LMNTD1: variants seen among roughly 807,000 people sequenced by gnomAD.
The protein encoded by LMNTD1 is lamin tail domain-containing protein 1.
Under a neutral mutation model 50.9 loss-of-function variants are expected in LMNTD1, and 35 were observed. The ratio of observed to expected loss-of-function variants is 0.69; its 90% CI spans 0.53 to 0.91. The LOEUF (loss-of-function observed/expected upper bound fraction) is 0.91, where lower values mean the gene tolerates loss of function less well. Ranked by LOEUF, LMNTD1 falls within the 40% of genes least tolerant of loss-of-function variation. The pLI is 0.00. For synonymous variants in LMNTD1, 153 were observed against 161.9 expected, an observed-to-expected ratio of 0.94 and a Z score of 0.42; for missense variants, 470 against 475.5, an observed-to-expected ratio of 0.99 and a Z score of 0.11.
chr12:25,507,365 T>C (rs570375357), intron 8 of LMNTD1, among the ~76,000 whole-genome samples: 1 of 152,394 alleles, frequency 6.6e-6, no homozygotes, highest in African/African-American at 2.4e-5. Flanking sequence ...GTTCTGGCTG[T>C]GATTTTTGTT....
rs942516717 is a variant in LMNTD1, at chr12:25,562,395, A to G, written c.59-15841T>C. ...GATTTTATTTCTCCTTCACTTATGA[A>G]GCTTAGTTTGGCTGGATATGAAATT... On this transcript the variant is annotated intron_variant, in intron 1 of 7. Coordinates refer to the LMNTD1 transcript ENST00000445693. Among the ~76,000 whole-genome samples, 46 of 152,258 alleles carry G rather than the reference A, an allele frequency of 3.0e-4. 1 individual carries two copies. The highest frequency in any genetic ancestry group is 2.9e-3 in the Admixed American group (45 of 15,296).
chr12:25,494,813 A>T (rs1245810451), intron 9 of LMNTD1, among the ~76,000 whole-genome samples: 2 of 152,212 alleles, frequency 1.3e-5, no homozygotes, highest in African/African-American at 2.4e-5. Flanking sequence ...CAATCAAAAT[A>T]ACATTTATGC....
intron 4 of LMNTD1, among the ~76,000 whole-genome samples, chr12:25,531,281 G>A (rs1942208547): frequency 6.6e-6 from 1 of 152,176 alleles, no homozygotes; most frequent in African/African-American, 2.4e-5. Context: ...ATAAGTGGGT[G>A]CTATTCATGT....
At chr12:25,620,660 A>AT (rs1304034328) in intron 1 of LMNTD1, among the ~76,000 whole-genome samples, 1 of 151,982 alleles carries the variant, frequency 6.6e-6, no homozygotes, top group African/African-American at 2.4e-5. Flanking sequence ...CTATGAGCTG[A>AT]TTTTCTTTCC....
At chr12:25,559,867 TC>T (rs1469620045) in intron 1 of LMNTD1, among the ~76,000 whole-genome samples, 1 of 152,184 alleles carries the variant, frequency 6.6e-6, no homozygotes, top group Non-Finnish European at 1.5e-5. Flanking sequence ...TCTGTTCATA[TC>T]CTTTGCCCAC....
At chr12:25,486,641 T>C (rs1320769303) in intron 9 of LMNTD1, among the ~76,000 whole-genome samples, 4 of 149,476 alleles carry the variant, frequency 2.7e-5, no homozygotes, top group African/African-American at 9.9e-5. Flanking sequence ...GGCTGTGGGT[T>C]TGTCATAGAT....
intron 1 of LMNTD1, among the ~76,000 whole-genome samples, chr12:25,632,084 C>A (rs1946730737): frequency 6.6e-6 from 1 of 151,944 alleles, no homozygotes; most frequent in Non-Finnish European, 1.5e-5. Flanking sequence ...TCAAATTAAC[C>A]CAATCAAACA....
At chr12:25,564,024 G>T (rs776229339) in intron 1 of LMNTD1, among the ~76,000 whole-genome samples, 1 of 152,104 alleles carries the variant, frequency 6.6e-6, no homozygotes, top group Admixed American at 6.5e-5. Context: ...GGGTGGGAGT[G>T]TCCCAATTTT....
chr12:25,503,656 G>C, intron 9 of LMNTD1, 82 bp downstream of exon 9: 2 of 759,860 alleles, frequency 2.6e-6, no homozygotes, highest in Admixed American at 4.5e-5. Flanking sequence ...ATGTTCTGAT[G>C]ACTTTCAAAG....
intron 1 of LMNTD1, among the ~76,000 whole-genome samples, chr12:25,626,185 A>G (rs1946584987): frequency 6.6e-6 from 1 of 152,194 alleles, no homozygotes. Context: ...TAAACAAGCA[A>G]TATCAAATTC....
intron 1 of LMNTD1, among the ~76,000 whole-genome samples, chr12:25,631,368 G>C (rs1946715639): frequency 1.3e-5 from 2 of 152,204 alleles, no homozygotes; most frequent in South Asian, 4.1e-4. Context: ...AACCACCAAA[G>C]CTAAGAACCC....
chr12:25,519,954 G>A lies in LMNTD1; in HGVS notation c.920C>T (p.Thr307Ile). The change falls in exon 7 of 10, where the codon ACA becomes ATA. Residue 307 changes from threonine (T) to isoleucine (I), a missense_variant. By Grantham distance (89) the Thr-to-Ile change is moderately conservative. Transcript: ENST00000458174. Reference sequence around the variant, plus strand: ...TTTAGTTATTGTAGCTGTAGATGCTGTCCACTGAAACACACGCTTTCGGAA... The same window carrying A: ...TTTAGTTATTGTAGCTGTAGATGCTATCCACTGAAACACACGCTTTCGGAA... ...PTFRKRVFQW[T>I]ASTATITKEK... The A allele has an allele frequency of 6.2e-7, 1 of 1,612,822 alleles. No individual in the cohort carries two copies. Among genetic ancestry groups the A allele is most frequent in the Non-Finnish European group, 8.5e-7 (1 of 1,179,202 alleles).
intron 9 of LMNTD1, chr12:25,497,477 T>A (rs1289667283): frequency 6.5e-6 from 1 of 152,798 alleles, no homozygotes; most frequent in Non-Finnish European, 1.5e-5. Flanking sequence ...CGTCTTTAGC[T>A]AAACTAAGGA....
upstream of LMNTD1, among the ~76,000 whole-genome samples, chr12:25,556,575 ACTCT>A (rs1318238461): frequency 6.6e-6 from 1 of 151,148 alleles, no homozygotes; most frequent in Non-Finnish European, 1.5e-5. Flanking sequence ...ATCTCAAATC[ACTCT>A]CTCCTCTGTC....
intron 1 of LMNTD1, among the ~76,000 whole-genome samples, chr12:25,574,994 AAGAC>A (rs1944946074): frequency 6.6e-6 from 1 of 152,178 alleles, no homozygotes; most frequent in South Asian, 2.1e-4. Flanking sequence ...CAGGCTCTAA[AAGAC>A]AGGCAAAGAC....
chr12:25,525,518 T>C (rs1157898400), intron 6 of LMNTD1, among the ~76,000 whole-genome samples: 1 of 152,154 alleles, frequency 6.6e-6, no homozygotes, highest in African/African-American at 2.4e-5. Context: ...ATATCACAAA[T>C]TAAATCTTCC....
At chr12:25,543,761 T>C (rs1026089455) in intron 4 of LMNTD1, among the ~76,000 whole-genome samples, 4 of 151,906 alleles carry the variant, frequency 2.6e-5, no homozygotes, top group Non-Finnish European at 4.4e-5. Context: ...TTTTTTTGTG[T>C]CCCAGAGATT....
chr12:25,484,173 T>G (rs1054160918), intron 9 of LMNTD1, among the ~76,000 whole-genome samples: 5 of 152,060 alleles, frequency 3.3e-5, no homozygotes, highest in African/African-American at 1.2e-4. Context: ...TAAAGTCAAC[T>G]TCTTTCTAAA....
Position 25,484,483 on chromosome 12 carries a change from C to T in LMNTD1, c.*23-8023G>A, listed in dbSNP as rs1938550098. On this transcript the variant is annotated intron_variant, in intron 9 of 9. Coordinates refer to ENST00000458174, the MANE Select transcript of LMNTD1 (RefSeq NM_001145728.2). ...GGTGAGTACATTATGAGAGAATTGA[C>T]CCAATAGCCATTTCTTTTTAAATTT... Among the ~76,000 whole-genome samples, 4 of 151,890 alleles carry T rather than the reference C, an allele frequency of 2.6e-5. No homozygotes were observed. The South Asian group carries it at 6.2e-4, about 24-fold the overall frequency.
Sources: gnomAD v4.1 joint callset for allele counts (sites outside exome capture counted in the v4.1 genomes callset) on GRCh38, gnomAD v4.1.1 for gene constraint, MANE v1.5 for transcripts, NCBI Gene and HGNC (gene_info 2026-07-23, HGNC 2026-07-21) for gene names.